The following SLC22A15 variants were observed in gnomAD, a reference collection of about 807,000 sequenced individuals.
SLC22A15 encodes solute carrier family 22 member 15, also known as flipt 1.
SLC22A15 carries 45 observed loss-of-function variants against 62.7 expected under a neutral mutation model. The observed-to-expected ratio is 0.72, with a 90% CI of 0.56 to 0.92. The LOEUF (loss-of-function observed/expected upper bound fraction) is 0.92. Among genes scored for constraint, SLC22A15 ranks in the 40% least tolerant of loss-of-function variants. SLC22A15 has a pLI of 0.00. For synonymous variants in SLC22A15, 264 were observed against 267.0 expected (o/e 0.99, Z 0.11); for missense variants, 622 against 665.6 (o/e 0.93, Z 0.72).
At chr1:116,028,650 G>T (rs777321015) in intron 5 of SLC22A15, among the ~76,000 whole-genome samples, 2 of 147,970 alleles carry the variant, frequency 1.4e-5, no homozygotes, top group Non-Finnish European at 3.0e-5. Context: ...AGAGAGAAAA[G>T]AACTCATGAG....
At chr1:116,047,359 G>A (rs573286292) in intron 8 of SLC22A15, among the ~76,000 whole-genome samples, 162 of 152,244 alleles carry the variant, frequency 1.1e-3, no homozygotes, top group African/African-American at 3.4e-3. Flanking sequence ...CCCGGGAGGC[G>A]GAGATTGTCA....
At chr1:116,044,781 A>G (rs941075299) in intron 8 of SLC22A15, among the ~76,000 whole-genome samples, 1 of 152,220 alleles carries the variant, frequency 6.6e-6, no homozygotes, top group African/African-American at 2.4e-5. Flanking sequence ...ATAAAATAAA[A>G]AATATGAAAA....
At chr1:116,009,018 C>T (rs1172745769) in intron 2 of SLC22A15, among the ~76,000 whole-genome samples, 2 of 152,044 alleles carry the variant, frequency 1.3e-5, no homozygotes, top group African/African-American at 4.8e-5. Context: ...TGGTCAAGCT[C>T]AAATAAATGT....
intron 4 of SLC22A15, among the ~76,000 whole-genome samples, chr1:116,023,365 T>A (rs929272031): frequency 6.6e-6 from 1 of 152,232 alleles, no homozygotes; most frequent in Non-Finnish European, 1.5e-5. Flanking sequence ...TTTTCTTATA[T>A]TAATGTCTTC....
At chr1:116,003,190 G>A (rs1260310382) in intron 2 of SLC22A15, among the ~76,000 whole-genome samples, 2 of 150,736 alleles carry the variant, frequency 1.3e-5, no homozygotes, top group African/African-American at 4.9e-5. Context: ...TCTGCTTGGT[G>A]CTTTATTTTA....
intron 2 of SLC22A15, chr1:116,013,866 T>A (rs536590387): frequency 6.6e-6 from 1 of 152,416 alleles, no homozygotes; most frequent in South Asian, 2.1e-4. Flanking sequence ...TCGCCCCAGA[T>A]CTCACCTCTG....
In SLC22A15 at chr1:116,049,468, A is replaced by G. The variant is rs150803234; in HGVS notation, c.1171+12080A>G. ...GGAACCTTCAAACCCACGCAAATAC[A>G]TGGAAATTAAATAACCTGCTCCTGA... On this transcript the variant is annotated intron_variant, in intron 8 of 11. Transcript: ENST00000369503. 5.5e-3 allele frequency among the ~76,000 whole-genome samples: 841 copies of G among 151,992 alleles called. 5 individuals are homozygous for G. The highest frequency in any genetic ancestry group is 0.019 in the African/African-American group (796 of 41,272).
chr1:116,050,142 A>G (rs888517022), intron 8 of SLC22A15, among the ~76,000 whole-genome samples: 1 of 152,168 alleles, frequency 6.6e-6, no homozygotes, highest in Non-Finnish European at 1.5e-5. Context: ...GACCAGACAG[A>G]TTTACAGCAG....
At chr1:116,062,999 T>A in intron 9 of SLC22A15, 117 bp downstream of exon 9, 2 of 1,334,342 alleles carry the variant, frequency 1.5e-6, no homozygotes, top group Non-Finnish European at 2.1e-6. Flanking sequence ...GGGGCAGCAG[T>A]AATTCAGCAA....
chr1:116,017,478 G>T (rs913204906), intron 2 of SLC22A15: 15 of 152,108 alleles, frequency 9.9e-5, no homozygotes, highest in African/African-American at 3.6e-4. Flanking sequence ...TGTGAAGAAT[G>T]GAATTCAGAA....
chr1:115,989,645 T>C (rs985956423), intron 1 of SLC22A15, among the ~76,000 whole-genome samples: 4 of 151,768 alleles, frequency 2.6e-5, no homozygotes, highest in Admixed American at 1.3e-4. Flanking sequence ...GCTGGATGCA[T>C]TGGCAGGTAC....
intron 8 of SLC22A15, among the ~76,000 whole-genome samples, chr1:116,062,134 A>T (rs544179855): frequency 6.6e-6 from 1 of 152,262 alleles, no homozygotes; most frequent in East Asian, 1.9e-4. Context: ...GCTTGAGCCC[A>T]GGAGGCGGAG....
intron 8 of SLC22A15, among the ~76,000 whole-genome samples, chr1:116,045,810 GTC>G (rs1378129236): frequency 6.7e-6 from 1 of 149,410 alleles, no homozygotes; most frequent in Non-Finnish European, 1.5e-5. Context: ...GCATAGGAAT[GTC>G]TCTATAGATA....
intron 2 of SLC22A15, among the ~76,000 whole-genome samples, chr1:116,011,293 A>G (rs368478756): frequency 6.6e-6 from 1 of 152,216 alleles, no homozygotes; most frequent in South Asian, 2.1e-4. Flanking sequence ...TTCAGGGGCT[A>G]AAGATAAAAT....
At chr1:116,064,931 G>T (rs190056471) in intron 10 of SLC22A15, among the ~76,000 whole-genome samples, 300 of 152,208 alleles carry the variant, frequency 2.0e-3, no homozygotes, top group Non-Finnish European at 3.8e-3. Flanking sequence ...CTACAGAGAG[G>T]TTAAATACCT....
intron 1 of SLC22A15, among the ~76,000 whole-genome samples, chr1:115,978,350 A>G (rs545664032): frequency 6.6e-6 from 1 of 152,306 alleles, no homozygotes; most frequent in South Asian, 2.1e-4. Flanking sequence ...TCTCTAACTT[A>G]CTTTTATTTA....
At position 116,067,535 on chromosome 1, in the gene SLC22A15, G is replaced by A. The variant is rs1658527473; in HGVS notation, c.*427G>A. ...TAAGATTTAATCCTTATACCATGTTGGACATTTGCCCCTATCAGTTGCTCC... is the reference window on the plus strand; with the variant it reads ...TAAGATTTAATCCTTATACCATGTTAGACATTTGCCCCTATCAGTTGCTCC... On this transcript the variant is annotated 3_prime_UTR_variant, in exon 12 of 12. Coordinates refer to ENST00000369503, the MANE Select transcript of SLC22A15 (RefSeq NM_018420.3). The A allele has an allele frequency of 6.3e-6, 1 of 159,904 alleles. No homozygotes were observed. Among genetic ancestry groups the A allele is most frequent in the African/African-American group, 2.4e-5 (1 of 41,502 alleles). 9.9% of individuals were successfully genotyped at this position (159,904 alleles called of 1,614,324 possible). A position where few individuals can be genotyped will look rare whatever the true frequency, so the allele number is the denominator to read the frequency against.
At chr1:116,038,704 T>G (rs774497314) in intron 8 of SLC22A15, among the ~76,000 whole-genome samples, 10 of 152,252 alleles carry the variant, frequency 6.6e-5, no homozygotes, top group Non-Finnish European at 1.2e-4. Context: ...CTGGTAAGAC[T>G]GTGATGGACT....
chr1:115,984,724 T>C (rs887464386), intron 1 of SLC22A15, among the ~76,000 whole-genome samples: 3 of 152,170 alleles, frequency 2.0e-5, no homozygotes, highest in Non-Finnish European at 4.4e-5. Flanking sequence ...TTCAGGATGT[T>C]GTTTTCCTGA....
Sources: allele counts gnomAD v4.1 joint callset (sites outside exome capture counted in the v4.1 genomes callset), GRCh38; gene constraint gnomAD v4.1.1; transcripts MANE v1.5; gene names NCBI Gene and HGNC (gene_info 2026-07-23, HGNC 2026-07-21).